Variants in CRACD observed in about 807,000 individuals in gnomAD.
CRACD encodes the protein capping protein inhibiting regulator of actin dynamics.
CRACD carries 56 observed loss-of-function variants against 106.8 expected under a neutral mutation model. The observed-to-expected ratio is 0.52, with a 90% CI of 0.42 to 0.66. The LOEUF (loss-of-function observed/expected upper bound fraction) is 0.66. Ranked by LOEUF, CRACD falls within the 30% of genes least tolerant of loss-of-function variation. CRACD has a pLI of 0.00. For missense variants in CRACD, 1,730 were observed against 1,623.2 expected, an observed-to-expected ratio of 1.07 and a Z score of -1.13; for synonymous variants, 754 against 670.8, an observed-to-expected ratio of 1.12 and a Z score of -1.92.
chr4:56,234,972 A>G (rs570020339), intron 2 of CRACD, among the ~76,000 whole-genome samples: 2 of 152,142 alleles, frequency 1.3e-5, no homozygotes, highest in Non-Finnish European at 2.9e-5. Context: ...CTTCTGTTCC[A>G]CCTCCAATCT....
Position 56,315,471 on chromosome 4 carries a change from G to T in CRACD, c.1969G>T (p.Glu657Ter). The change falls in exon 8 of 11, where the codon GAG (glutamate) becomes TAG (stop). Residue 657 changes from glutamate to a stop codon, truncating the protein, a stop_gained. Transcript: ENST00000682029. LOFTEE classifies it high-confidence loss of function. This position sits in a 1 kb window ranked among gnomAD's most constrained non-coding sequence, Gnocchi z 4.1. ...AGSGKAKPRQ[E>*]SPSSASALAE... Reference sequence around the variant, plus strand: ...CAGCGGGAAGGCTAAGCCCCGCCAGGAGTCTCCCAGCAGCGCGTCCGCACT... The same window carrying T: ...CAGCGGGAAGGCTAAGCCCCGCCAGTAGTCTCCCAGCAGCGCGTCCGCACT... The T allele has an allele frequency of 6.2e-7, 1 of 1,613,202 alleles. No homozygotes were observed. Among genetic ancestry groups the T allele is most frequent in the Non-Finnish European group, 8.5e-7 (1 of 1,179,904 alleles).
At position 56,287,519 on chromosome 4, in the gene CRACD, G is replaced by T. The variant is rs138048826; in HGVS notation, c.-16-10695G>T. 3.9e-5 allele frequency among the ~76,000 whole-genome samples: 6 copies of T among 152,174 alleles called. No individual in the cohort carries two copies. In the East Asian group the frequency reaches 1.2e-3, roughly 29 times the overall value. On this transcript the variant is annotated intron_variant, in intron 3 of 10. Transcript: ENST00000682029. The stretch of plus-strand genomic sequence containing the variant: ...TGGTGTTGAACTCCTGACCTCAGGC[G>T]ATCTGCCCACCTCGGCCTCCCACAG...
At chr4:56,323,966 G>A in intron 9 of CRACD, 138 bp from the exon 10 acceptor site, 2 of 905,546 alleles carry the variant, frequency 2.2e-6, no homozygotes, top group South Asian at 1.8e-5. Context: ...AGCGTACATG[G>A]CTCATACATG....
At chr4:56,111,691 TG>T (rs972699134) in intron 1 of CRACD, among the ~76,000 whole-genome samples, 3 of 152,132 alleles carry the variant, frequency 2.0e-5, no homozygotes, top group African/African-American at 7.2e-5. Context: ...ATTTTTTTTT[TG>T]TATTTTTATT....
intron 1 of CRACD, among the ~76,000 whole-genome samples, chr4:56,160,032 C>T (rs1410216469): frequency 1.3e-5 from 2 of 152,050 alleles, no homozygotes; most frequent in Non-Finnish European, 1.5e-5. Flanking sequence ...TCGCCCGCCT[C>T]GGCTTCCCAA....
intron 3 of CRACD, among the ~76,000 whole-genome samples, chr4:56,274,737 A>C (rs1742577385): frequency 6.6e-6 from 1 of 152,230 alleles, no homozygotes; most frequent in Non-Finnish European, 1.5e-5. Context: ...GCTTTGGACT[A>C]TTAATTTTTA....
chr4:56,303,410 G>T (rs1245053117), intron 4 of CRACD, among the ~76,000 whole-genome samples: 3 of 151,604 alleles, frequency 2.0e-5, no homozygotes, highest in Non-Finnish European at 4.4e-5. Flanking sequence ...GATGGGAGGA[G>T]TAGTAGTTTA....
intron 2 of CRACD, among the ~76,000 whole-genome samples, chr4:56,201,771 T>TGA (rs1170963756): frequency 4.7e-4 from 72 of 152,336 alleles, no homozygotes; most frequent in Non-Finnish European, 6.8e-4. Flanking sequence ...TGGATACCCA[T>TGA]GAACTATGAG....
Position 56,127,792 on chromosome 4 carries a change from T to A in CRACD, c.-335-51492T>A, listed in dbSNP as rs1340744956. ...CAGTTCTTTAGGATTGATGTGTGGTTTCCTGCAGAGACCCTGTTATTCAGC... is the reference window on the plus strand; with the variant it reads ...CAGTTCTTTAGGATTGATGTGTGGTATCCTGCAGAGACCCTGTTATTCAGC... On this transcript the variant is annotated intron_variant, in intron 1 of 10. Transcript: ENST00000682029. Among the ~76,000 whole-genome samples, 3 of 152,150 alleles carry A rather than the reference T, an allele frequency of 2.0e-5. No homozygotes were observed. In the East Asian group the frequency reaches 5.8e-4, roughly 29 times the overall value.
chr4:56,313,006 GAACA>G lies in CRACD; in HGVS notation c.355-188_355-185del, dbSNP rs556007545. ...AAGTTAATACCAGTGGACGCTGGCA[GAACA>G]AATAGTCAATGTCCTTTGGTTCCAA... On this transcript the variant is annotated intron_variant, in intron 6 of 10. Transcript: ENST00000682029. Among the ~76,000 whole-genome samples the G allele has an allele frequency of 2.8e-4, 42 of 152,292 alleles. No individual in the cohort carries two copies. In the East Asian group the frequency reaches 7.7e-3, roughly 28 times the overall value.
At chr4:56,096,118 G>T (rs973238361) in intron 1 of CRACD, among the ~76,000 whole-genome samples, 1 of 152,116 alleles carries the variant, frequency 6.6e-6, no homozygotes, top group Non-Finnish European at 1.5e-5. Context: ...GACATAGTAG[G>T]TATTTAAGTA....
intron 1 of CRACD, among the ~76,000 whole-genome samples, chr4:56,158,551 T>C (rs1377412933): frequency 2.6e-5 from 4 of 152,226 alleles, no homozygotes; most frequent in African/African-American, 9.6e-5. Context: ...AGTCACTTTA[T>C]GAGTATTTTG....
intron 1 of CRACD, among the ~76,000 whole-genome samples, chr4:56,059,453 G>C (rs114896703): frequency 6.6e-6 from 1 of 152,280 alleles, no homozygotes; most frequent in East Asian, 1.9e-4. Flanking sequence ...TCCAGCCTGC[G>C]TGACAGAATT....
chr4:56,079,246 A>C (rs1732944400), intron 1 of CRACD, among the ~76,000 whole-genome samples: 1 of 151,916 alleles, frequency 6.6e-6, no homozygotes, highest in South Asian at 2.1e-4. Flanking sequence ...TGTGTATACC[A>C]AAGGTTATGA....
At chr4:56,292,700 A>AT (rs1216099692) in intron 3 of CRACD, among the ~76,000 whole-genome samples, 2 of 151,920 alleles carry the variant, frequency 1.3e-5, no homozygotes, top group Non-Finnish European at 2.9e-5. Flanking sequence ...AATTTTTTGT[A>AT]TTTTTAGTAG....
chr4:56,292,954 T>C (rs1375604981), intron 3 of CRACD, among the ~76,000 whole-genome samples: 1 of 152,214 alleles, frequency 6.6e-6, no homozygotes, highest in Non-Finnish European at 1.5e-5. Flanking sequence ...GAGTTTCAGA[T>C]AGACTTTCAA....
chr4:56,138,085 C>G (rs1735065399), intron 1 of CRACD, among the ~76,000 whole-genome samples: 1 of 152,104 alleles, frequency 6.6e-6, no homozygotes, highest in African/African-American at 2.4e-5. Context: ...CCCACCCACT[C>G]TCCTACCTTG....
intron 1 of CRACD, among the ~76,000 whole-genome samples, chr4:56,113,203 C>G (rs1206131176): frequency 6.6e-6 from 1 of 152,174 alleles, no homozygotes; most frequent in Non-Finnish European, 1.5e-5. Flanking sequence ...AAAAATTTGA[C>G]ACAGTTTACT....
intron 1 of CRACD, among the ~76,000 whole-genome samples, chr4:56,119,092 A>G (rs1233145045): frequency 1.3e-5 from 2 of 152,164 alleles, no homozygotes; most frequent in Non-Finnish European, 2.9e-5. Context: ...GCATTTCCTG[A>G]GTGCTTTCCT....
Sources: gnomAD v4.1 joint callset for allele counts (sites outside exome capture counted in the v4.1 genomes callset) on GRCh38, gnomAD v4.1.1 for gene constraint, Gnocchi (gnomAD v3.1) non-coding constraint, MANE v1.5 for transcripts, NCBI Gene and HGNC (gene_info 2026-07-23, HGNC 2026-07-21) for gene names.